GPR39: variants seen among roughly 807,000 people sequenced by gnomAD.
GPR39 encodes the protein G protein-coupled receptor 39.
GPR39 carries 23 observed loss-of-function variants against 18.4 expected under a neutral mutation model. That is an observed-to-expected ratio of 1.25 (90% CI 0.90 to 1.77). The LOEUF (loss-of-function observed/expected upper bound fraction) is 1.77, where lower values mean the gene tolerates loss of function less well. Among genes scored for constraint, GPR39 ranks in the 40% most tolerant of loss-of-function variants. GPR39 has a pLI of 0.00. For synonymous variants in GPR39, 280 were observed against 257.9 expected, an observed-to-expected ratio of 1.09 and a Z score of -0.82; for missense variants, 647 against 602.4, an observed-to-expected ratio of 1.07 and a Z score of -0.78.
intron 1 of GPR39, among the ~76,000 whole-genome samples, chr2:132,489,435 G>A (rs574537857): frequency 1.3e-5 from 2 of 152,186 alleles, no homozygotes; most frequent in East Asian, 3.9e-4. Context: ...GCGGCAGGCC[G>A]TGGGGCTGCT....
At position 132,645,808 on chromosome 2, in the gene GPR39, G is replaced by A; in HGVS notation, c.*202G>A. The A allele has an allele frequency of 2.7e-6, 2 of 739,362 alleles. No individual in the cohort carries two copies. Among genetic ancestry groups the A allele is most frequent in the Non-Finnish European group, 4.3e-6 (2 of 467,046 alleles). The allele number at this position is 739,362 out of a possible 1,614,324, so 45.8% of individuals were successfully genotyped here. The stretch of plus-strand genomic sequence containing the variant: ...TGACTCCGGTTACACAGACATGGGG[G>A]TGAACTTTCACTCCACCTCCTTCCT... On this transcript the variant is annotated 3_prime_UTR_variant, in exon 2 of 2. Transcript: ENST00000329321.
At chr2:132,476,827 G>C (rs1000589132) in intron 1 of GPR39, among the ~76,000 whole-genome samples, 1 of 152,104 alleles carries the variant, frequency 6.6e-6, no homozygotes, top group Admixed American at 6.5e-5. Flanking sequence ...AGGACAGGCT[G>C]TTATTCCTTA....
chr2:132,585,871 G>A (rs945778527), intron 1 of GPR39, among the ~76,000 whole-genome samples: 1 of 149,994 alleles, frequency 6.7e-6, no homozygotes, highest in African/African-American at 2.5e-5. Context: ...GGCTTATGTT[G>A]TTGTTATCGT....
At chr2:132,605,642 T>C (rs916835605) in intron 1 of GPR39, among the ~76,000 whole-genome samples, 17 of 152,202 alleles carry the variant, frequency 1.1e-4, no homozygotes, top group African/African-American at 3.9e-4. Context: ...GTTTTTATAA[T>C]GTATCTCCTA....
intron 1 of GPR39, among the ~76,000 whole-genome samples, chr2:132,558,931 C>G (rs2104801955): frequency 6.6e-6 from 1 of 152,214 alleles, no homozygotes; most frequent in South Asian, 2.1e-4. Flanking sequence ...GCTCCAGAAG[C>G]ACATTTATTA....
intron 1 of GPR39, chr2:132,606,201 G>A (rs1294077649): frequency 6.6e-6 from 1 of 152,202 alleles, no homozygotes; most frequent in Non-Finnish European, 1.5e-5. Context: ...GTAAAGTTCT[G>A]GTTAAGTACA....
chr2:132,584,736 G>A (rs1044981737), intron 1 of GPR39, among the ~76,000 whole-genome samples: 4 of 152,212 alleles, frequency 2.6e-5, no homozygotes, highest in African/African-American at 7.2e-5. Flanking sequence ...AGGCAGGATC[G>A]GATGCAAATG....
At chr2:132,452,301 TTCAAG>T (rs1217759917) in intron 1 of GPR39, among the ~76,000 whole-genome samples, 1 of 152,208 alleles carries the variant, frequency 6.6e-6, no homozygotes, top group African/African-American at 2.4e-5. Flanking sequence ...GTACAATGTA[TTCAAG>T]TCTTCTTTTA....
chr2:132,478,816 C>A (rs1004580914), intron 1 of GPR39, among the ~76,000 whole-genome samples: 1 of 152,096 alleles, frequency 6.6e-6, no homozygotes, highest in Non-Finnish European at 1.5e-5. Context: ...TGACCAGCTG[C>A]ACATGGTTAA....
chr2:132,467,937 C>T (rs1459996015), intron 1 of GPR39, among the ~76,000 whole-genome samples: 2 of 152,146 alleles, frequency 1.3e-5, no homozygotes, highest in African/African-American at 4.8e-5. Context: ...CCCAGTAGCC[C>T]TGAGCTAATA....
At chr2:132,493,529 C>T (rs981588218) in intron 1 of GPR39, among the ~76,000 whole-genome samples, 17 of 137,944 alleles carry the variant, frequency 1.2e-4, no homozygotes, top group African/African-American at 5.2e-4. Flanking sequence ...TATATATATA[C>T]ACACACCATA....
intron 1 of GPR39, among the ~76,000 whole-genome samples, chr2:132,602,997 A>G (rs1413171298): frequency 6.6e-6 from 1 of 152,132 alleles, no homozygotes; most frequent in Non-Finnish European, 1.5e-5. Flanking sequence ...ATAACTAAAA[A>G]TAGAACTACC....
intron 1 of GPR39, among the ~76,000 whole-genome samples, chr2:132,474,861 T>C (rs1681097466): frequency 6.6e-6 from 1 of 152,218 alleles, no homozygotes; most frequent in Non-Finnish European, 1.5e-5. Flanking sequence ...ATCTCAATGA[T>C]TCTTGTGCCC....
rs1047935880 is a variant in GPR39, at chr2:132,518,628, A to G, written c.856+100730A>G. On this transcript the variant is annotated intron_variant, in intron 1 of 1. Coordinates refer to ENST00000329321, the MANE Select transcript of GPR39 (RefSeq NM_001508.3). ...GAGCCTTGACAGTGCTTTTGAGTGAATTTTCTGGTCTAAACTGCTGATATA... is the reference window on the plus strand; with the variant it reads ...GAGCCTTGACAGTGCTTTTGAGTGAGTTTTCTGGTCTAAACTGCTGATATA... Among the ~76,000 whole-genome samples, 5 of 152,112 alleles carry G rather than the reference A, an allele frequency of 3.3e-5. No individual in the cohort carries two copies. The East Asian group carries it at 5.8e-4, about 18-fold the overall frequency.
At chr2:132,489,381 C>T (rs1374034777) in intron 1 of GPR39, among the ~76,000 whole-genome samples, 2 of 152,062 alleles carry the variant, frequency 1.3e-5, no homozygotes, top group Non-Finnish European at 2.9e-5. Context: ...GCTCCTGGGC[C>T]GGGGACTTGC....
chr2:132,630,560 G>T (rs2104868936), intron 1 of GPR39, among the ~76,000 whole-genome samples: 1 of 152,308 alleles, frequency 6.6e-6, no homozygotes, highest in Non-Finnish European at 1.5e-5. Flanking sequence ...GCCATCGAAA[G>T]GTTTTAAGCA....
chr2:132,485,838 T>C (rs887691952), intron 1 of GPR39, among the ~76,000 whole-genome samples: 1 of 152,220 alleles, frequency 6.6e-6, no homozygotes, highest in African/African-American at 2.4e-5. Flanking sequence ...TCTGTTAATG[T>C]TGATATTTTG....
intron 1 of GPR39, among the ~76,000 whole-genome samples, chr2:132,457,646 A>G (rs546538544): frequency 1.3e-5 from 2 of 152,348 alleles, no homozygotes; most frequent in South Asian, 4.1e-4. Context: ...TCGTGCTGGG[A>G]GAACCACTGC....
chr2:132,427,521 G>A (rs1429056934), intron 1 of GPR39, among the ~76,000 whole-genome samples: 7 of 150,542 alleles, frequency 4.6e-5, no homozygotes, highest in African/African-American at 1.7e-4. Context: ...TATTGTATGA[G>A]TATGTAATAT....
Sources: allele counts gnomAD v4.1 joint callset (sites outside exome capture counted in the v4.1 genomes callset), GRCh38; gene constraint gnomAD v4.1.1; transcripts MANE v1.5; gene names NCBI Gene and HGNC (gene_info 2026-07-23, HGNC 2026-07-21).